The following KMT2A variants were observed in gnomAD, a reference collection of about 807,000 sequenced individuals.
The protein encoded by KMT2A is histone-lysine N-methyltransferase 2A.
KMT2A carries 16 observed loss-of-function variants against 345.3 expected under a neutral mutation model. The ratio of observed to expected loss-of-function variants is 0.05; its 90% CI spans 0.03 to 0.07. The LOEUF (loss-of-function observed/expected upper bound fraction) is 0.07. Among genes scored for constraint, KMT2A ranks in the 10% least tolerant of loss-of-function variants. KMT2A has a pLI of 1.00. For synonymous variants in KMT2A, 1,599 were observed against 1,778.6 expected, an observed-to-expected ratio of 0.90 and a Z score of 2.54; for missense variants, 3,272 against 4,841.6, an observed-to-expected ratio of 0.68 and a Z score of 9.62.
Position 118,494,605 on chromosome 11 carries a change from G to C in KMT2A, c.5290-89G>C. 1 of 1,163,164 alleles carries C rather than the reference G, an allele frequency of 8.6e-7. No individual in the cohort carries two copies. The highest frequency in any genetic ancestry group is 1.5e-5 in the African/African-American group (1 of 65,168). 72.1% of individuals were successfully genotyped at this position (1,163,164 alleles called of 1,614,324 possible). ...CTCTTGGTGGCCTGAAATTATCCTC[G>C]TATTAACAGAGAAGCTGGTTTGAAG... On this transcript the variant is annotated intron_variant, in intron 17 of 35. Coordinates refer to ENST00000534358, the MANE Select transcript of KMT2A (RefSeq NM_001197104.2). The surrounding 1 kb of genome is among the most constrained non-coding windows in gnomAD (Gnocchi z 5.8).
Position 118,521,309 on chromosome 11 carries a change from T to C in KMT2A, c.11535T>C (p.Gly3845=). The change falls in exon 35 of 36, where the codon GGT becomes GGC. Residue 3845 remains glycine, a synonymous_variant. Coordinates refer to ENST00000534358, the MANE Select transcript of KMT2A (RefSeq NM_001197104.2). The surrounding 1 kb of genome is among the most constrained non-coding windows in gnomAD (Gnocchi z 5.3). ...CTAGGTCTCCCATCCATGGCCGGGGTCTTTTCTGTAAGAGAAACATTGATG... is the reference window on the plus strand; with the variant it reads ...CTAGGTCTCCCATCCATGGCCGGGGCCTTTTCTGTAAGAGAAACATTGATG... ...GVYRSPIHGR[G]LFCKRNIDAG... 3 of 1,614,014 alleles carry C rather than the reference T, an allele frequency of 1.9e-6. No individual in the cohort carries two copies. The highest frequency in any genetic ancestry group is 2.5e-6 in the Non-Finnish European group (3 of 1,179,954).
intron 1 of KMT2A, among the ~76,000 whole-genome samples, chr11:118,450,942 G>A (rs758242286): frequency 7.2e-5 from 11 of 152,076 alleles, no homozygotes; most frequent in Non-Finnish European, 1.6e-4. Flanking sequence ...TGATTGAGCA[G>A]CATTATTTTT....
rs781919296 is a variant in KMT2A, at chr11:118,503,021, G to A, written c.7129G>A (p.Gly2377Arg). 3 of 1,613,612 alleles carry A rather than the reference G, an allele frequency of 1.9e-6. No individual in the cohort carries two copies. Among genetic ancestry groups the A allele is most frequent in the Non-Finnish European group, 2.5e-6 (3 of 1,179,982 alleles). The change falls in exon 27 of 36, where the codon GGG becomes AGG. Residue 2377 changes from glycine to arginine, a missense_variant. Transcript: ENST00000534358. The surrounding 1 kb of genome is among the most constrained non-coding windows in gnomAD (Gnocchi z 5.3). The part of the protein sequence containing the change: ...ALSFPHLHLR[G>R]QRNDRDQHTD... ...CTCCTTCCCACACCTCCATTTGAGA[G>A]GGCAAAGGAATGATCGAGACCAACA...
chr11:118,443,727 A>G (rs1001210854), intron 1 of KMT2A, among the ~76,000 whole-genome samples: 2 of 152,172 alleles, frequency 1.3e-5, no homozygotes, highest in Non-Finnish European at 2.9e-5. Context: ...TTGTTTTTCT[A>G]TTTGACAAAT....
chr11:118,446,568 C>T (rs1295014963), intron 1 of KMT2A, among the ~76,000 whole-genome samples: 1 of 152,198 alleles, frequency 6.6e-6, no homozygotes, highest in African/African-American at 2.4e-5. Context: ...AGTCCTTTCT[C>T]TTCCCACTCA....
chr11:118,502,659 G>A lies in KMT2A; in HGVS notation c.6767G>A (p.Ser2256Asn), dbSNP rs782797999. 6.2e-6 allele frequency: 10 copies of A among 1,614,134 alleles called. No individual in the cohort carries two copies. The highest frequency in any genetic ancestry group is 3.3e-5 in the Admixed American group (2 of 59,992). ...CATGTCTTAGGGCCACTGAATTCAA[G>A]TACTAGTTTAGGGCAAAACACTTCC... ...VDHVLGPLNS[S>N]TSLGQNTSTS... The change falls in exon 27 of 36, where the codon AGT becomes AAT. Residue 2256 changes from serine (S) to asparagine (N), a missense_variant. Transcript: ENST00000534358. This position sits in a 1 kb window ranked among gnomAD's most constrained non-coding sequence, Gnocchi z 4.9.
chr11:118,467,894 CTG>C (rs1329596393), intron 1 of KMT2A, among the ~76,000 whole-genome samples: 2 of 152,120 alleles, frequency 1.3e-5, no homozygotes, highest in African/African-American at 4.8e-5. Context: ...TTCTATCATT[CTG>C]TGTCTGTCTC....
rs370435161 is a variant in KMT2A at position 118,516,101 on chromosome 11, C to G, written c.11147-3517C>G. ...CACAATGACCCTTGTGTTCCCCAGTCCAAAACCTGTCCATTATACTCCATT... is the reference window on the plus strand; with the variant it reads ...CACAATGACCCTTGTGTTCCCCAGTGCAAAACCTGTCCATTATACTCCATT... On this transcript the variant is annotated intron_variant, in intron 31 of 35. Coordinates refer to ENST00000534358, the MANE Select transcript of KMT2A (RefSeq NM_001197104.2). Among the ~76,000 whole-genome samples, 11 of 152,286 alleles carry G rather than the reference C, an allele frequency of 7.2e-5. No homozygotes were observed. The East Asian group carries it at 1.7e-3, about 24-fold the overall frequency.
At chr11:118,474,961 CT>C in intron 3 of KMT2A, among the ~76,000 whole-genome samples, 1 of 150,420 alleles carries the variant, frequency 6.6e-6, no homozygotes, top group Middle Eastern at 3.4e-3. Context: ...GAAACCTCAT[CT>C]CTACTAAAAA....
At chr11:118,442,248 T>C (rs571579179) in intron 1 of KMT2A, among the ~76,000 whole-genome samples, 15 of 152,354 alleles carry the variant, frequency 9.8e-5, no homozygotes, top group Non-Finnish European at 1.8e-4. Flanking sequence ...GGGGAAGCTT[T>C]GTGACTATCA....
Position 118,521,881 on chromosome 11 carries a change from T to G in KMT2A, c.11644-16T>G. ...TAAGAAATGACAAGTTCTTCTCCCTTCTTCTGCATGTGCAGGGCATTGGTT... is the reference window on the plus strand; with the variant it reads ...TAAGAAATGACAAGTTCTTCTCCCTGCTTCTGCATGTGCAGGGCATTGGTT... On this transcript the variant is annotated splice_polypyrimidine_tract_variant and intron_variant, in intron 35 of 35. Transcript: ENST00000534358. This position sits in a 1 kb window ranked among gnomAD's most constrained non-coding sequence, Gnocchi z 5.3. The G allele has an allele frequency of 6.2e-7, 1 of 1,606,446 alleles. No individual in the cohort carries two copies. Among genetic ancestry groups the G allele is most frequent in the Non-Finnish European group, 8.5e-7 (1 of 1,173,492 alleles).
At position 118,521,138 on chromosome 11, in the gene KMT2A, A is replaced by C. The variant is rs556703175; in HGVS notation, c.11514-150A>C. On this transcript the variant is annotated intron_variant, in intron 34 of 35. Coordinates refer to ENST00000534358, the MANE Select transcript of KMT2A (RefSeq NM_001197104.2). The surrounding 1 kb of genome is among the most constrained non-coding windows in gnomAD (Gnocchi z 5.3). The stretch of plus-strand genomic sequence containing the variant: ...ACTTTCATCTTTGGCCATGTGTTAG[A>C]TGGCCAAATCAAGTGGGTCCAAATT... 2.2e-4 allele frequency: 186 copies of C among 828,454 alleles called. No homozygotes were observed. The African/African-American group carries it at 2.8e-3, about 12-fold the overall frequency. The allele number at this position is 828,454 out of a possible 1,614,324, so 51.3% of individuals were successfully genotyped here. A position where few individuals can be genotyped will look rare whatever the true frequency, so the allele number is the denominator to read the frequency against.
In KMT2A at chr11:118,504,868, G is replaced by A. The variant is rs781817780; in HGVS notation, c.8976G>A (p.Met2992Ile). 1.2e-5 allele frequency: 20 copies of A among 1,614,022 alleles called. No homozygotes were observed. Among genetic ancestry groups the A allele is most frequent in the Admixed American group, 1.7e-5 (1 of 59,994 alleles). The change falls in exon 27 of 36, where the codon ATG becomes ATA. Residue 2992 changes from methionine (M) to isoleucine (I), a missense_variant. Coordinates refer to ENST00000534358, the MANE Select transcript of KMT2A (RefSeq NM_001197104.2). The surrounding 1 kb of genome is among the most constrained non-coding windows in gnomAD (Gnocchi z 6.4). ...TAGATCCAACTCCTGAAGGCCACAT[G>A]ACTCCTGATCATTTTATCCAAGGAC... The part of the protein sequence containing the change: ...PGVDPTPEGH[M>I]TPDHFIQGHM...
rs149474220 is a variant in KMT2A at position 118,505,765 on chromosome 11, A to G, written c.9873A>G (p.Arg3291=). ...GAACTGTCCCCAACATCATAAAAAG[A>G]TCTAAATCTAGCATCATGTATTTTG... ...SHRTVPNIIK[R]SKSSIMYFEP... The change falls in exon 27 of 36, where the codon AGA becomes AGG. Residue 3291 remains arginine (R), a synonymous_variant. Coordinates refer to ENST00000534358, the MANE Select transcript of KMT2A (RefSeq NM_001197104.2). This position sits in a 1 kb window ranked among gnomAD's most constrained non-coding sequence, Gnocchi z 4.6. 7 of 1,614,144 alleles carry G rather than the reference A, an allele frequency of 4.3e-6. No homozygotes were observed. The East Asian group carries it at 6.7e-5, about 15-fold the overall frequency.
At position 118,491,759 on chromosome 11, in the gene KMT2A, T is replaced by G. The variant is rs1277166347; in HGVS notation, c.4835T>G (p.Ile1612Ser). 1.9e-6 allele frequency: 3 copies of G among 1,606,520 alleles called. No individual in the cohort carries two copies. In the African/African-American group the frequency reaches 4.0e-5, roughly 22 times the overall value. ...GTTTTCTTAGATGAGATGTATGAGA[T>G]TCTATCTAATCTGCCAGAAAGTGTG... Reference protein sequence around the residue: ...LSGTEDEMYEILSNLPESVAY... With the variant: ...LSGTEDEMYESLSNLPESVAY... The change falls in exon 15 of 36, where the codon ATT (isoleucine) becomes AGT (serine). Residue 1612 changes from isoleucine (I) to serine (S), a missense_variant. This residue lies in a region of KMT2A where 120 missense variants were observed against 280.4 expected (regional missense o/e 0.43). Coordinates refer to ENST00000534358, the MANE Select transcript of KMT2A (RefSeq NM_001197104.2). This position sits in a 1 kb window ranked among gnomAD's most constrained non-coding sequence, Gnocchi z 4.2.
intron 28 of KMT2A, among the ~76,000 whole-genome samples, chr11:118,508,068 A>C (rs1370552628): frequency 6.6e-6 from 1 of 152,260 alleles, no homozygotes; most frequent in Non-Finnish European, 1.5e-5. Flanking sequence ...AGTAAACAAA[A>C]AATATAACAA....
At position 118,520,980 on chromosome 11, in the gene KMT2A, A is replaced by G. The variant is rs1950954683; in HGVS notation, c.11513+95A>G. On this transcript the variant is annotated intron_variant, in intron 34 of 35. Coordinates refer to ENST00000534358, the MANE Select transcript of KMT2A (RefSeq NM_001197104.2). This position sits in a 1 kb window ranked among gnomAD's most constrained non-coding sequence, Gnocchi z 4.3. ...GCTGGAGTGACCTTCCTCACTCAGT[A>G]AGTGAGGATTTTACGGACACTATTT... 1.1e-6 allele frequency: 1 copy of G among 917,512 alleles called. No individual in the cohort carries two copies. Among genetic ancestry groups the G allele is most frequent in the Non-Finnish European group, 1.8e-6 (1 of 561,316 alleles). The allele number at this position is 917,512 out of a possible 1,614,324, so 56.8% of individuals were successfully genotyped here.
At chr11:118,440,056 G>A (rs782479167) in intron 1 of KMT2A, among the ~76,000 whole-genome samples, 1 of 152,026 alleles carries the variant, frequency 6.6e-6, no homozygotes, top group Non-Finnish European at 1.5e-5. Flanking sequence ...TCTGTATCAA[G>A]TCTTATCTGG....
At chr11:118,486,375 G>T (rs1377034637) in intron 10 of KMT2A, among the ~76,000 whole-genome samples, 16 of 146,684 alleles carry the variant, frequency 1.1e-4, no homozygotes, top group Admixed American at 6.8e-4. Flanking sequence ...TGTTTCTCTG[G>T]TTTTTTTTTT....
Sources: allele counts gnomAD v4.1 joint callset (sites outside exome capture counted in the v4.1 genomes callset), GRCh38; gene constraint gnomAD v4.1.1; regional missense constraint gnomAD v4.1.1; non-coding constraint Gnocchi (gnomAD v3.1); transcripts MANE v1.5; gene names NCBI Gene and HGNC (gene_info 2026-07-23, HGNC 2026-07-21).